Variants in MCPH1 observed in about 807,000 individuals in gnomAD.
MCPH1 encodes the protein microcephalin 1, also known as microcephalin.
A neutral mutation model predicts 84.5 loss-of-function variants in MCPH1; 104 were observed. That is an observed-to-expected ratio of 1.23 (90% CI 1.05 to 1.45). MCPH1 has a LOEUF of 1.45. MCPH1 is among the 40% of genes most tolerant of loss of function. MCPH1 has a pLI of 0.00. For synonymous variants in MCPH1, 514 were observed against 366.8 expected (o/e 1.40, Z -4.58); for missense variants, 1,498 against 1,005.7 (o/e 1.49, Z -6.62).
At chr8:6,477,535 G>C in intron 9 of MCPH1, 59 bp from the exon 10 acceptor site, 2 of 1,480,076 alleles carry the variant, frequency 1.4e-6, no homozygotes, top group Non-Finnish European at 1.9e-6. Flanking sequence ...TATTTCTGTG[G>C]GAAAAATATT....
intron 3 of MCPH1, among the ~76,000 whole-genome samples, chr8:6,424,516 G>A (rs895959272): frequency 5.3e-5 from 8 of 152,076 alleles, no homozygotes; most frequent in Non-Finnish European, 7.4e-5. Flanking sequence ...TCCACTTCCC[G>A]CCTCCTCAGC....
chr8:6,411,663 T>A (rs1434558771), intron 2 of MCPH1, among the ~76,000 whole-genome samples: 5 of 152,250 alleles, frequency 3.3e-5, no homozygotes, highest in African/African-American at 1.2e-4. Flanking sequence ...TGCGTGATTT[T>A]TATTATAATA....
At chr8:6,633,214 A>T (rs200473794) in intron 13 of MCPH1, among the ~76,000 whole-genome samples, 2 of 34,412 alleles carry the variant, frequency 5.8e-5, no homozygotes, top group South Asian at 1.4e-3. Context: ...GGAATAAAAT[A>T]AAAAAAAATT....
At chr8:6,519,658 A>T (rs895504633) in intron 12 of MCPH1, among the ~76,000 whole-genome samples, 4 of 152,222 alleles carry the variant, frequency 2.6e-5, no homozygotes, top group African/African-American at 9.6e-5. Context: ...CATCATTCAT[A>T]TGCAGCTTTT....
chr8:6,627,887 G>A (rs541854288), intron 13 of MCPH1, among the ~76,000 whole-genome samples: 1 of 151,076 alleles, frequency 6.6e-6, no homozygotes, highest in Non-Finnish European at 1.5e-5. Context: ...GTGAGAACCT[G>A]TCTAAAAATA....
At chr8:6,640,115 T>TGC (rs1203682752) in intron 13 of MCPH1, among the ~76,000 whole-genome samples, 2 of 151,126 alleles carry the variant, frequency 1.3e-5, no homozygotes, top group Non-Finnish European at 2.9e-5. Context: ...CGTGTGTGTG[T>TGC]GTGTGCGTGT....
At chr8:6,517,908 G>A (rs936031952) in intron 12 of MCPH1, among the ~76,000 whole-genome samples, 1 of 152,164 alleles carries the variant, frequency 6.6e-6, no homozygotes, top group Non-Finnish European at 1.5e-5. Flanking sequence ...TTCAAGATGA[G>A]AAAATTGAGG....
At chr8:6,474,527 A>G (rs1388760122) in intron 9 of MCPH1, among the ~76,000 whole-genome samples, 2 of 152,228 alleles carry the variant, frequency 1.3e-5, no homozygotes, top group African/African-American at 4.8e-5. Context: ...GTCTCTCAAA[A>G]GTAAATAAAT....
At chr8:6,439,588 G>T (rs530140176) in intron 6 of MCPH1, among the ~76,000 whole-genome samples, 2 of 151,044 alleles carry the variant, frequency 1.3e-5, no homozygotes, top group African/African-American at 4.9e-5. Flanking sequence ...GTAGAGACGG[G>T]GTTTCACCAT....
At position 6,581,057 on chromosome 8, in the gene MCPH1, G is replaced by A. The variant is rs780686614; in HGVS notation, c.2215-40397G>A. Among the ~76,000 whole-genome samples the A allele has an allele frequency of 5.1e-4, 77 of 152,252 alleles. 1 individual carries two copies. The highest frequency in any genetic ancestry group is 9.7e-4 in the Non-Finnish European group (66 of 68,010). ...TGTATTAACTATCATAAGTAATCTA[G>A]GGATGATTTAAACTATGTGGGAAGA... On this transcript the variant is annotated intron_variant, in intron 12 of 13. Coordinates refer to ENST00000344683, the MANE Select transcript of MCPH1 (RefSeq NM_024596.5).
Position 6,635,737 on chromosome 8 carries a change from G to A in MCPH1, c.2453-7257G>A, listed in dbSNP as rs79759871. ...AAGCCCCCCAGCAGAATGCCTCCTC[G>A]TCCCCAGAGGACCCACTTCCTGGGC... On this transcript the variant is annotated intron_variant, in intron 13 of 13. Transcript: ENST00000344683. Among the ~76,000 whole-genome samples the A allele has an allele frequency of 2.6e-3, 399 of 152,262 alleles. 1 individual carries two copies. Among genetic ancestry groups the A allele is most frequent in the African/African-American group, 8.9e-3 (369 of 41,570 alleles).
chr8:6,527,352 T>C (rs1308952739), intron 12 of MCPH1, among the ~76,000 whole-genome samples: 2 of 152,244 alleles, frequency 1.3e-5, no homozygotes, highest in Non-Finnish European at 2.9e-5. Flanking sequence ...GAATGAAAGG[T>C]AAAATCCAGG....
intron 13 of MCPH1, chr8:6,625,607 C>T: frequency 1.0e-6 from 1 of 985,222 alleles, no homozygotes; most frequent in Non-Finnish European, 1.2e-6. Context: ...GGAATATCAA[C>T]TGCTTTGTAA....
chr8:6,644,043 G>C lies in MCPH1; in HGVS notation c.*994G>C, dbSNP rs1287211587. The stretch of plus-strand genomic sequence containing the variant: ...AGGTGGACAGATCACTTGAGGTCAG[G>C]AGTTCGAGACCAGCCTGACCAACGC... On this transcript the variant is annotated 3_prime_UTR_variant, in exon 14 of 14. Transcript: ENST00000344683. 1.3e-5 allele frequency: 2 copies of C among 152,226 alleles called. No individual in the cohort carries two copies. The highest frequency in any genetic ancestry group is 2.4e-5 in the African/African-American group (1 of 41,434). 9.4% of individuals were successfully genotyped at this position (152,226 alleles called of 1,614,324 possible).
chr8:6,511,822 T>A (rs1815171137), intron 12 of MCPH1, among the ~76,000 whole-genome samples: 1 of 152,202 alleles, frequency 6.6e-6, no homozygotes, highest in Non-Finnish European at 1.5e-5. Context: ...ATTTTTATAA[T>A]GTCAGCGTAC....
chr8:6,522,131 G>A (rs1322610646), intron 12 of MCPH1, among the ~76,000 whole-genome samples: 1 of 152,132 alleles, frequency 6.6e-6, no homozygotes, highest in South Asian at 2.1e-4. Flanking sequence ...CGAGGCGGGC[G>A]GATCACGAGG....
chr8:6,532,731 C>T (rs1819763204), intron 12 of MCPH1, among the ~76,000 whole-genome samples: 1 of 152,126 alleles, frequency 6.6e-6, no homozygotes, highest in Non-Finnish European at 1.5e-5. Context: ...AGACAAGCTA[C>T]TGGTTGCTTC....
At chr8:6,593,748 G>A (rs191774707) in intron 12 of MCPH1, among the ~76,000 whole-genome samples, 2 of 152,306 alleles carry the variant, frequency 1.3e-5, no homozygotes, top group African/African-American at 4.8e-5. Flanking sequence ...CATTACCAAT[G>A]TATTTTTAAT....
chr8:6,488,467 G>A (rs781537720), intron 11 of MCPH1, among the ~76,000 whole-genome samples: 4 of 152,174 alleles, frequency 2.6e-5, no homozygotes, highest in Non-Finnish European at 4.4e-5. Flanking sequence ...AGAAGACTGT[G>A]GAGTCACCCT....
Sources: allele counts gnomAD v4.1 joint callset (sites outside exome capture counted in the v4.1 genomes callset), GRCh38; gene constraint gnomAD v4.1.1; transcripts MANE v1.5; gene names NCBI Gene and HGNC (gene_info 2026-07-23, HGNC 2026-07-21).